Variants in CNTN4 observed in about 807,000 individuals in gnomAD.
The protein encoded by CNTN4 is contactin-4.
Under a neutral mutation model 122.5 loss-of-function variants are expected in CNTN4, and 77 were observed. That is an observed-to-expected ratio of 0.63 (90% CI 0.52 to 0.76). CNTN4 has a LOEUF of 0.76. Ranked by LOEUF, CNTN4 falls within the 30% of genes least tolerant of loss-of-function variation. The pLI is 0.00. For missense variants in CNTN4, 1,256 were observed against 1,259.1 expected (o/e 1.00, Z 0.04); for synonymous variants, 512 against 447.0 (o/e 1.15, Z -1.83).
chr3:2,899,692 GT>G (rs1336606212), intron 10 of CNTN4, among the ~76,000 whole-genome samples: 2 of 152,188 alleles, frequency 1.3e-5, no homozygotes, highest in Admixed American at 1.3e-4. Flanking sequence ...AGCGGGGGTA[GT>G]GGATAGCAGT....
intron 2 of CNTN4, among the ~76,000 whole-genome samples, chr3:2,224,887 A>C (rs2039209589): frequency 6.6e-6 from 1 of 152,194 alleles, no homozygotes; most frequent in Non-Finnish European, 1.5e-5. Flanking sequence ...GCGGTGGCTC[A>C]CGCCTGTAAT....
At chr3:2,560,263 C>T (rs1332470903) in intron 3 of CNTN4, among the ~76,000 whole-genome samples, 2 of 151,972 alleles carry the variant, frequency 1.3e-5, no homozygotes, top group Admixed American at 1.3e-4. Flanking sequence ...ACCTCAGCCT[C>T]CTGAGTAGCT....
At chr3:2,368,596 G>A (rs1035165453) in intron 3 of CNTN4, among the ~76,000 whole-genome samples, 1 of 151,998 alleles carries the variant, frequency 6.6e-6, no homozygotes, top group African/African-American at 2.4e-5. Context: ...TCTCAGATCT[G>A]TGAATACCTA....
chr3:2,166,343 G>GA (rs1298868763), intron 2 of CNTN4, among the ~76,000 whole-genome samples: 1 of 151,840 alleles, frequency 6.6e-6, no homozygotes, highest in African/African-American at 2.4e-5. Flanking sequence ...ATCAAAAAGT[G>GA]AAAAGATAAC....
At chr3:2,703,217 G>A (rs1052667583) in intron 4 of CNTN4, among the ~76,000 whole-genome samples, 2 of 152,098 alleles carry the variant, frequency 1.3e-5, no homozygotes, top group South Asian at 2.1e-4. Context: ...TCATATTTAC[G>A]TCATGTATGC....
intron 8 of CNTN4, among the ~76,000 whole-genome samples, chr3:2,874,333 G>A (rs752827535): frequency 8.5e-5 from 13 of 152,198 alleles, no homozygotes; most frequent in Non-Finnish European, 7.3e-5. Context: ...CCAAGTTAAT[G>A]AAGGGTCTAA....
chr3:2,167,703 G>A (rs1441955433), intron 2 of CNTN4, among the ~76,000 whole-genome samples: 2 of 151,836 alleles, frequency 1.3e-5, no homozygotes, highest in Non-Finnish European at 2.9e-5. Context: ...GTAAAATAAA[G>A]TAAATATGAT....
chr3:2,821,765 A>G (rs1302895705), intron 7 of CNTN4, among the ~76,000 whole-genome samples: 1 of 152,212 alleles, frequency 6.6e-6, no homozygotes, highest in Non-Finnish European at 1.5e-5. Flanking sequence ...GTCTGTAATG[A>G]CAAGATTGAT....
intron 3 of CNTN4, among the ~76,000 whole-genome samples, chr3:2,397,064 C>T (rs1278387178): frequency 1.3e-5 from 2 of 152,066 alleles, no homozygotes; most frequent in African/African-American, 2.4e-5. Context: ...TTCATAGATG[C>T]TAAAGCAAAT....
At chr3:2,844,825 C>G (rs763030982) in intron 7 of CNTN4, among the ~76,000 whole-genome samples, 4 of 152,180 alleles carry the variant, frequency 2.6e-5, no homozygotes, top group Non-Finnish European at 5.9e-5. Context: ...ACCCACCACC[C>G]TTTAACTGAC....
In CNTN4 at chr3:2,907,513, C is replaced by T. The variant is rs529960386; in HGVS notation, c.1207+4508C>T. The stretch of plus-strand genomic sequence containing the variant: ...ACTTGAACCCGGGAGGCAAAGGTTG[C>T]AGTCAGCTAAGATTGCACCACTGCA... On this transcript the variant is annotated intron_variant, in intron 12 of 24. Transcript: ENST00000418658. Among the ~76,000 whole-genome samples, 5 of 150,300 alleles carry T rather than the reference C, an allele frequency of 3.3e-5. No individual in the cohort carries two copies. The East Asian group carries it at 9.9e-4, about 30-fold the overall frequency.
intron 4 of CNTN4, among the ~76,000 whole-genome samples, chr3:2,700,176 C>T (rs544504250): frequency 2.6e-5 from 4 of 152,138 alleles, no homozygotes; most frequent in East Asian, 1.9e-4. Flanking sequence ...TGAAATCCTT[C>T]GCAGATACAA....
intron 6 of CNTN4, among the ~76,000 whole-genome samples, chr3:2,791,732 C>T (rs553642208): frequency 2.0e-5 from 3 of 152,214 alleles, no homozygotes; most frequent in South Asian, 2.1e-4. Flanking sequence ...ATGAGATACC[C>T]GAAACTTAGT....
chr3:2,865,622 C>T (rs941712788), intron 7 of CNTN4, among the ~76,000 whole-genome samples: 15 of 152,192 alleles, frequency 9.9e-5, no homozygotes, highest in Admixed American at 2.0e-4. Context: ...GTTGGCTACT[C>T]AGTGCCAGTA....
chr3:2,128,635 C>T lies in CNTN4; in HGVS notation c.-145+27996C>T, dbSNP rs139683750. On this transcript the variant is annotated intron_variant, in intron 2 of 24. Coordinates refer to ENST00000418658, the MANE Select transcript of CNTN4 (RefSeq NM_175607.3). Reference sequence around the variant, plus strand: ...AAGTCAGTTTGGATGATGATGGTATCCCATAACATGTCTCAAGAAGAACTT... The same window carrying T: ...AAGTCAGTTTGGATGATGATGGTATTCCATAACATGTCTCAAGAAGAACTT... 4.2e-3 allele frequency among the ~76,000 whole-genome samples: 633 copies of T among 152,208 alleles called. 2 individuals carry two copies. The highest frequency in any genetic ancestry group is 0.015 in the African/African-American group (604 of 41,526).
intron 6 of CNTN4, among the ~76,000 whole-genome samples, chr3:2,774,595 T>G (rs983210777): frequency 1.3e-5 from 2 of 152,230 alleles, no homozygotes; most frequent in South Asian, 4.1e-4. Context: ...GTATTTTCAG[T>G]TTTGGAAAAC....
At chr3:2,614,701 C>A (rs917961693) in intron 4 of CNTN4, among the ~76,000 whole-genome samples, 4 of 151,988 alleles carry the variant, frequency 2.6e-5, no homozygotes, top group Non-Finnish European at 5.9e-5. Flanking sequence ...GGAGAGAGAG[C>A]AGGCAGAATT....
At chr3:2,790,319 A>G (rs1211461361) in intron 6 of CNTN4, among the ~76,000 whole-genome samples, 1 of 152,202 alleles carries the variant, frequency 6.6e-6, no homozygotes, top group Non-Finnish European at 1.5e-5. Context: ...AAAGGCATTG[A>G]GCCATAGTGG....
intron 3 of CNTN4, among the ~76,000 whole-genome samples, chr3:2,407,354 A>C (rs549468229): frequency 7.9e-4 from 121 of 152,286 alleles, no homozygotes; most frequent in African/African-American, 2.8e-3. Flanking sequence ...GAGATCTGAC[A>C]TACTTCTAGG....
Sources: allele counts gnomAD v4.1 joint callset (sites outside exome capture counted in the v4.1 genomes callset), GRCh38; gene constraint gnomAD v4.1.1; transcripts MANE v1.5; gene names NCBI Gene and HGNC (gene_info 2026-07-23, HGNC 2026-07-21).